Variants in WEE2 observed in about 807,000 individuals in gnomAD.
WEE2 encodes WEE2 oocyte meiosis inhibiting kinase.
In WEE2, 50 loss-of-function variants were observed where a neutral mutation model predicts 60.1. That is an observed-to-expected ratio of 0.83 (90% CI 0.66 to 1.05). The LOEUF is 1.05. Ranked by LOEUF, WEE2 falls within the 50% of genes least tolerant of loss-of-function variation. The probability of loss-of-function intolerance (pLI) is 0.00; values close to 1 mark genes in which losing one functional copy is unlikely to be tolerated. For missense variants in WEE2, 631 were observed against 684.3 expected (o/e 0.92, Z 0.87); for synonymous variants, 240 against 241.0 (o/e 1.00, Z 0.04).
At chr7:141,714,070 CAACCAGTTCACATGG>C (rs1241331680) in intron 1 of WEE2, 124 bp from the exon 2 acceptor site, 3 of 637,058 alleles carry the variant, frequency 4.7e-6, no homozygotes, top group Non-Finnish European at 8.0e-6. Flanking sequence ...AGTTACAATG[CAACCAGTTCACATGG>C]AACCAGATAA....
At position 141,727,302 on chromosome 7, in the gene WEE2, A is replaced by G; in HGVS notation, c.1393-2A>G. 2 of 1,613,216 alleles carry G rather than the reference A, an allele frequency of 1.2e-6. No homozygotes were observed. Among genetic ancestry groups the G allele is most frequent in the South Asian group, 2.2e-5 (2 of 90,928 alleles). On this transcript the variant is annotated splice_acceptor_variant, in intron 9 of 11. Transcript: ENST00000397541. LOFTEE classifies it high-confidence loss of function. ...TCTTTCCTCTTGGTCCTATATCATC[A>G]GAACATGATCCAACCTGATGCCGAA... is the stretch of plus-strand genomic sequence containing the variant.
chr7:141,725,025 G>A lies in WEE2; in HGVS notation c.1222-1G>A. The A allele has an allele frequency of 6.2e-7, 1 of 1,612,516 alleles. No individual in the cohort carries two copies. Among genetic ancestry groups the A allele is most frequent in the Non-Finnish European group, 8.5e-7 (1 of 1,179,118 alleles). On this transcript the variant is annotated splice_acceptor_variant, in intron 8 of 11. Coordinates refer to ENST00000397541, the MANE Select transcript of WEE2 (RefSeq NM_001105558.1). LOFTEE classifies it high-confidence loss of function. Reference sequence around the variant, plus strand: ...TGGCCTTCCTGTCTTCTGTTTTGAAGGATTACCGGCACCTTCCCAAAGCAG... The same window carrying A: ...TGGCCTTCCTGTCTTCTGTTTTGAAAGATTACCGGCACCTTCCCAAAGCAG...
At chr7:141,728,870 C>T (rs1342351932) in intron 10 of WEE2, among the ~76,000 whole-genome samples, 1 of 152,172 alleles carries the variant, frequency 6.6e-6, no homozygotes, top group Non-Finnish European at 1.5e-5. Flanking sequence ...AGGTTGTGTA[C>T]TCCTTCAAGA....
intron 5 of WEE2, among the ~76,000 whole-genome samples, chr7:141,722,248 T>C (rs1369622412): frequency 6.6e-6 from 1 of 152,044 alleles, no homozygotes; most frequent in East Asian, 1.9e-4. Context: ...CTTCTAAAAA[T>C]ACAAAAATTA....
chr7:141,716,405 CCCT>C, intron 3 of WEE2, 138 bp downstream of exon 3: 2 of 774,766 alleles, frequency 2.6e-6, no homozygotes, highest in South Asian at 1.7e-5. Flanking sequence ...CCTCACCCTC[CCCT>C]CCTCTCCTTC....
At chr7:141,721,376 A>C (rs1798907160) in intron 5 of WEE2, among the ~76,000 whole-genome samples, 1 of 152,202 alleles carries the variant, frequency 6.6e-6, no homozygotes, top group Non-Finnish European at 1.5e-5. Flanking sequence ...CTGGTAGAGA[A>C]ACCAGAGCTT....
chr7:141,723,872 G>A, intron 6 of WEE2, 69 bp from the exon 7 acceptor site: 1 of 1,059,446 alleles, frequency 9.4e-7, no homozygotes, highest in Non-Finnish European at 1.4e-6. Context: ...GTCAAATACA[G>A]AAAAGAATCT....
intron 9 of WEE2, among the ~76,000 whole-genome samples, chr7:141,726,740 T>A (rs1799025295): frequency 6.6e-6 from 1 of 152,226 alleles, no homozygotes; most frequent in Non-Finnish European, 1.5e-5. Flanking sequence ...CAACAAATGG[T>A]GGAGTTGGCT....
intron 10 of WEE2, chr7:141,728,122 G>C (rs1003715019): frequency 3.3e-5 from 5 of 152,170 alleles, no homozygotes; most frequent in Non-Finnish European, 5.9e-5. Flanking sequence ...TTGTTGTAGT[G>C]GGGGACTGCA....
intron 6 of WEE2, among the ~76,000 whole-genome samples, chr7:141,723,725 G>A (rs1798961726): frequency 6.6e-6 from 1 of 152,096 alleles, no homozygotes; most frequent in South Asian, 2.1e-4. Flanking sequence ...TCAGAGAATG[G>A]AGAATATATG....
Position 141,730,283 on chromosome 7 carries a change from T to C in WEE2, c.1679-12T>C, listed in dbSNP as rs910002081. On this transcript the variant is annotated splice_polypyrimidine_tract_variant and intron_variant, in intron 11 of 11. Coordinates refer to ENST00000397541, the MANE Select transcript of WEE2 (RefSeq NM_001105558.1). ...CAATAACTTATTTACTTCTCACACT[T>C]TTGATGAACAGCAGGAGAGCGTGAG... The C allele has an allele frequency of 6.2e-7, 1 of 1,613,010 alleles. No homozygotes were observed.
chr7:141,720,874 C>T, intron 4 of WEE2, 61 bp from the exon 5 acceptor site: 1 of 1,575,426 alleles, frequency 6.3e-7, no homozygotes, highest in Non-Finnish European at 8.7e-7. Flanking sequence ...TTTTAAGAAA[C>T]ATTTTTGTGT....
intron 5 of WEE2, among the ~76,000 whole-genome samples, chr7:141,722,329 C>T (rs548884836): frequency 6.6e-5 from 10 of 152,104 alleles, no homozygotes; most frequent in East Asian, 1.9e-4. Context: ...CGCTTGAACC[C>T]GGGAGGCGGA....
intron 4 of WEE2, among the ~76,000 whole-genome samples, chr7:141,720,616 A>C (rs1798892687): frequency 6.6e-6 from 1 of 152,096 alleles, no homozygotes; most frequent in Non-Finnish European, 1.5e-5. Flanking sequence ...AGGCATAACC[A>C]CTTAAAGCTC....
In WEE2 at chr7:141,727,428, A is replaced by C. The variant is rs1393094616; in HGVS notation, c.1517A>C (p.Lys506Thr). ...CAGCAGCTGAATTTGGAAAAGTTCA[A>C]GACTGCCACACTGGAAAGGTATATT... ...LQQQLNLEKF[K>T]TATLERELRE... Residue 506 changes from lysine to threonine, a missense_variant, in exon 10 of 12, where the codon AAG (lysine) becomes ACG (threonine). Lys to Thr is a moderately conservative substitution (Grantham distance 78, BLOSUM62 -1). Transcript: ENST00000397541. 1 of 1,614,198 alleles carries C rather than the reference A, an allele frequency of 6.2e-7. No homozygotes were observed. The highest frequency in any genetic ancestry group is 1.1e-5 in the South Asian group (1 of 91,074).
rs554961524 is a variant in WEE2, at chr7:141,729,379, T to C, written c.1536-152T>C. The stretch of plus-strand genomic sequence containing the variant: ...TGTCAACCATTTTTTATGACAACCA[T>C]AGTAACTGAATTTTCTATTCTGTAC... On this transcript the variant is annotated intron_variant, in intron 10 of 11. Transcript: ENST00000397541. 4.7e-6 allele frequency: 5 copies of C among 1,069,004 alleles called. No individual in the cohort carries two copies. The South Asian group carries it at 6.0e-5, about 13-fold the overall frequency. 66.2% of individuals were successfully genotyped at this position (1,069,004 alleles called of 1,614,324 possible). A position where few individuals can be genotyped will look rare whatever the true frequency, so the allele number is the denominator to read the frequency against.
chr7:141,709,163 C>A, intron 1 of WEE2, 63 bp downstream of exon 1: 1 of 1,383,188 alleles, frequency 7.2e-7, no homozygotes, highest in Non-Finnish European at 1.0e-6. Context: ...TGTAGTTTAG[C>A]TGATAGAGTG....
At chr7:141,720,197 C>G (rs1298038832) in intron 4 of WEE2, among the ~76,000 whole-genome samples, 2 of 115,766 alleles carry the variant, frequency 1.7e-5, no homozygotes. Context: ...GCTCTGTTGC[C>G]CAGGCTGGAA....
intron 11 of WEE2, 94 bp downstream of exon 11, chr7:141,729,767 T>A: frequency 7.1e-7 from 1 of 1,414,816 alleles, no homozygotes; most frequent in East Asian, 2.4e-5. Context: ...GGCAGGTGGA[T>A]CATGAGGTCA....
Sources: gnomAD v4.1 joint callset for allele counts (sites outside exome capture counted in the v4.1 genomes callset) on GRCh38, gnomAD v4.1.1 for gene constraint, MANE v1.5 for transcripts, NCBI Gene and HGNC (gene_info 2026-07-23, HGNC 2026-07-21) for gene names.